MGAT5: variants seen among roughly 807,000 people sequenced by gnomAD.
The protein encoded by MGAT5 is alpha-1,6-mannosylglycoprotein 6-beta-N-acetylglucosaminyltransferase A.
MGAT5 carries 30 observed loss-of-function variants against 94.3 expected under a neutral mutation model. The ratio of observed to expected loss-of-function variants is 0.32; its 90% CI spans 0.24 to 0.43. The LOEUF is 0.43. Among genes scored for constraint, MGAT5 ranks in the 20% least tolerant of loss-of-function variants. The pLI is 1.00. For synonymous variants in MGAT5, 310 were observed against 322.9 expected, an observed-to-expected ratio of 0.96 and a Z score of 0.43; for missense variants, 691 against 905.5, an observed-to-expected ratio of 0.76 and a Z score of 3.04.
At chr2:134,230,272 A>AGGAGGTGG (rs1292812641) in intron 1 of MGAT5, among the ~76,000 whole-genome samples, 39 of 152,202 alleles carry the variant, frequency 2.6e-4, no homozygotes, top group Non-Finnish European at 8.8e-5. Context: ...CTGATATGAC[A>AGGAGGTGG]GGAGGTGGAG....
chr2:134,180,138 G>C (rs1303166147), intron 1 of MGAT5, among the ~76,000 whole-genome samples: 1 of 152,156 alleles, frequency 6.6e-6, no homozygotes, highest in Non-Finnish European at 1.5e-5. Flanking sequence ...TTCACTACTT[G>C]TTTAGTATAT....
At chr2:134,432,480 T>C (rs1684938442) in intron 14 of MGAT5, among the ~76,000 whole-genome samples, 1 of 152,130 alleles carries the variant, frequency 6.6e-6, no homozygotes, top group South Asian at 2.1e-4. Context: ...ATCTGGATAG[T>C]CCAAAGGTGG....
chr2:134,156,012 C>T (rs1238283882), intron 1 of MGAT5, among the ~76,000 whole-genome samples: 1 of 152,154 alleles, frequency 6.6e-6, no homozygotes, highest in Non-Finnish European at 1.5e-5. Context: ...TGTATTCATC[C>T]GTAGGCTTGC....
chr2:134,120,409 G>C (rs1685509586), intron 1 of MGAT5: 3 of 342,808 alleles, frequency 8.8e-6, no homozygotes, highest in African/African-American at 2.2e-5. Flanking sequence ...AGGAGAGCCC[G>C]CACCGGGGTC....
At chr2:134,170,697 C>T (rs1688161317) in intron 1 of MGAT5, among the ~76,000 whole-genome samples, 1 of 152,132 alleles carries the variant, frequency 6.6e-6, no homozygotes, top group African/African-American at 2.4e-5. Flanking sequence ...AGGTCTTTCT[C>T]AGTTTTACAA....
At chr2:134,270,263 C>T (rs1299927011) in intron 1 of MGAT5, 123 bp from the exon 2 acceptor site, 2 of 937,328 alleles carry the variant, frequency 2.1e-6, no homozygotes, top group Non-Finnish European at 3.2e-6. Context: ...TGTGGTTTGA[C>T]AGATCTTTTG....
In MGAT5 at chr2:134,268,591, C is replaced by T. The variant is rs1465565565; in HGVS notation, c.242-1795C>T. Among the ~76,000 whole-genome samples, 2 of 152,232 alleles carry T rather than the reference C, an allele frequency of 1.3e-5. No homozygotes were observed. The highest frequency in any genetic ancestry group is 4.8e-5 in the African/African-American group (2 of 41,460). On this transcript the variant is annotated intron_variant, in intron 1 of 15. Transcript: ENST00000281923. This position sits in a 1 kb window ranked among gnomAD's most constrained non-coding sequence, Gnocchi z 4.1. ...TGCTCTCATGACCCCTTGGATAAAG[C>T]AGTGAAGCTTTGCATCACCTGAGGA...
chr2:134,159,434 A>G (rs11692586), intron 1 of MGAT5, among the ~76,000 whole-genome samples: 40,435 of 152,126 alleles, frequency 0.27, 5,929 homozygotes, highest in Non-Finnish European at 0.33. Context: ...ATACCAGTCC[A>G]AAGAGTTAAG....
At chr2:134,223,377 A>G (rs1680889143) in intron 1 of MGAT5, among the ~76,000 whole-genome samples, 1 of 152,240 alleles carries the variant, frequency 6.6e-6, no homozygotes, top group Non-Finnish European at 1.5e-5. Context: ...ATCCGGGGCC[A>G]GTGGGATGCC....
chr2:134,286,233 C>T (rs746950935), intron 2 of MGAT5, among the ~76,000 whole-genome samples: 3 of 152,156 alleles, frequency 2.0e-5, no homozygotes, highest in Non-Finnish European at 4.4e-5. Context: ...GCTTTCTGCC[C>T]TCCTGTGACA....
At chr2:134,164,733 G>C (rs1177831383) in intron 1 of MGAT5, among the ~76,000 whole-genome samples, 1 of 151,898 alleles carries the variant, frequency 6.6e-6, no homozygotes, top group African/African-American at 2.4e-5. Flanking sequence ...GATGTGCTGA[G>C]ACAAGAGGAT....
intron 6 of MGAT5, among the ~76,000 whole-genome samples, chr2:134,339,930 T>A (rs1485277139): frequency 6.6e-6 from 1 of 152,206 alleles, no homozygotes; most frequent in East Asian, 1.9e-4. Context: ...ATTAATCATG[T>A]AATATGTGGT....
At chr2:134,214,062 A>G (rs1680341323) in intron 1 of MGAT5, among the ~76,000 whole-genome samples, 2 of 152,194 alleles carry the variant, frequency 1.3e-5, no homozygotes, top group Admixed American at 1.3e-4. Context: ...CCACCAGTCA[A>G]TAGCATACAA....
intron 8 of MGAT5, among the ~76,000 whole-genome samples, chr2:134,346,008 T>G (rs1375048060): frequency 1.3e-5 from 2 of 152,184 alleles, no homozygotes; most frequent in African/African-American, 4.8e-5. Flanking sequence ...AAATGGCACA[T>G]AAATATAAAA....
chr2:134,285,611 CT>C (rs1168870462), intron 2 of MGAT5, among the ~76,000 whole-genome samples: 1 of 152,162 alleles, frequency 6.6e-6, no homozygotes, highest in Non-Finnish European at 1.5e-5. Context: ...ACCAGTCTGT[CT>C]TCTGCTATAT....
intron 15 of MGAT5, among the ~76,000 whole-genome samples, chr2:134,443,606 C>A (rs1404452032): frequency 6.6e-6 from 1 of 152,198 alleles, no homozygotes; most frequent in Non-Finnish European, 1.5e-5. Flanking sequence ...TGGGGCGGCA[C>A]CCTGCTCTGC....
intron 6 of MGAT5, 28 bp from the exon 7 acceptor site, chr2:134,341,562 A>C (rs1218604451): frequency 1.3e-6 from 2 of 1,591,444 alleles, no homozygotes; most frequent in Non-Finnish European, 1.7e-6. Flanking sequence ...GTTCAGTGTG[A>C]ATCAGTATAT....
At chr2:134,269,853 T>G (rs756519591) in intron 1 of MGAT5, among the ~76,000 whole-genome samples, 4 of 152,240 alleles carry the variant, frequency 2.6e-5, no homozygotes, top group Admixed American at 1.3e-4. Flanking sequence ...TAAATCTGAT[T>G]ATAGTCAACT....
rs535258238 is a variant in MGAT5, at chr2:134,279,109, G to A, written c.406+8559G>A. On this transcript the variant is annotated intron_variant, in intron 2 of 15. Transcript: ENST00000281923. ...TTTTTATCAATAAATGTCCAGCTGG[G>A]TACATTCCTCCCTCTCCTAAACACA... Among the ~76,000 whole-genome samples, 3 of 152,218 alleles carry A rather than the reference G, an allele frequency of 2.0e-5. No homozygotes were observed. In the South Asian group the frequency reaches 6.2e-4, roughly 32 times the overall value.
Sources: gnomAD v4.1 joint callset for allele counts (sites outside exome capture counted in the v4.1 genomes callset) on GRCh38, gnomAD v4.1.1 for gene constraint, Gnocchi (gnomAD v3.1) non-coding constraint, MANE v1.5 for transcripts, NCBI Gene and HGNC (gene_info 2026-07-23, HGNC 2026-07-21) for gene names.